SGCD: variants seen among roughly 807,000 people sequenced by gnomAD.
The protein encoded by SGCD is delta-sarcoglycan.
A neutral mutation model predicts 36.6 loss-of-function variants in SGCD; 18 were observed. The ratio of observed to expected loss-of-function variants is 0.49; its 90% confidence interval spans 0.34 to 0.73. The LOEUF is 0.73. SGCD is among the 30% of genes least tolerant of loss of function. The pLI is 0.01. For missense variants in SGCD, 387 were observed against 346.7 expected (o/e 1.12, Z -0.92); for synonymous variants, 133 against 130.6 (o/e 1.02, Z -0.12).
At chr5:156,725,583 T>C (rs1755733586) in intron 7 of SGCD, among the ~76,000 whole-genome samples, 1 of 152,072 alleles carries the variant, frequency 6.6e-6, no homozygotes, top group South Asian at 2.1e-4. Context: ...GAGGGAAAGG[T>C]CCTTGCTTTT....
At chr5:155,964,196 G>T (rs572875221) in intron 1 of SGCD, among the ~76,000 whole-genome samples, 1 of 152,234 alleles carries the variant, frequency 6.6e-6, no homozygotes, top group East Asian at 1.9e-4. Flanking sequence ...CATGAAGGTA[G>T]GAAGAGAAAG....
intron 3 of SGCD, among the ~76,000 whole-genome samples, chr5:156,257,914 G>A (rs538033385): frequency 7.2e-5 from 11 of 152,162 alleles, no homozygotes; most frequent in African/African-American, 2.4e-4. Flanking sequence ...TCAGTCATAC[G>A]TTTTTAATTT....
chr5:156,271,825 G>A (rs1766189527), intron 3 of SGCD, among the ~76,000 whole-genome samples: 2 of 152,148 alleles, frequency 1.3e-5, no homozygotes, highest in Admixed American at 1.3e-4. Flanking sequence ...AAACTTTGCA[G>A]CAGGTGCAGT....
intron 3 of SGCD, among the ~76,000 whole-genome samples, chr5:156,372,805 C>G (rs1378129361): frequency 6.6e-6 from 1 of 152,088 alleles, no homozygotes; most frequent in Non-Finnish European, 1.5e-5. Context: ...TTGCTGCTAC[C>G]CATTGGGTGC....
the SGCD span, among the ~76,000 whole-genome samples, chr5:155,763,949 CT>C: frequency 0.27 from 41,711 of 151,786 alleles, 7,275 homozygotes; most frequent in East Asian, 0.42. Flanking sequence ...AAGAATTCTT[CT>C]AGTAGAATTA....
chr5:156,237,151 A>G (rs375219095), intron 3 of SGCD, among the ~76,000 whole-genome samples: 1 of 152,100 alleles, frequency 6.6e-6, no homozygotes, highest in Non-Finnish European at 1.5e-5. Flanking sequence ...AGAATTTTAA[A>G]CAACAACAAC....
intron 1 of SGCD, among the ~76,000 whole-genome samples, chr5:156,105,556 C>T (rs1761624765): frequency 6.6e-6 from 1 of 152,140 alleles, no homozygotes; most frequent in African/African-American, 2.4e-5. Context: ...TGTAGGTTTT[C>T]CTCACCAAAT....
chr5:156,386,723 A>G lies in SGCD; in HGVS notation c.192+42046A>G, dbSNP rs569922913. On this transcript the variant is annotated intron_variant, in intron 3 of 8. Coordinates refer to ENST00000337851, the MANE Select transcript of SGCD (RefSeq NM_000337.6). Reference sequence around the variant, plus strand: ...CCCTTGGGGCTCCCTCACTCTTTAGAGCTTCGGAGCACTCCAAGTGTTGGA... The same window carrying G: ...CCCTTGGGGCTCCCTCACTCTTTAGGGCTTCGGAGCACTCCAAGTGTTGGA... Among the ~76,000 whole-genome samples, 22 of 152,332 alleles carry G rather than the reference A, an allele frequency of 1.4e-4. 1 individual carries two copies. The South Asian group carries it at 4.6e-3, about 32-fold the overall frequency.
intron 3 of SGCD, among the ~76,000 whole-genome samples, chr5:156,499,893 A>T (rs1038018298): frequency 6.6e-6 from 1 of 152,238 alleles, no homozygotes; most frequent in African/African-American, 2.4e-5. Flanking sequence ...AAGCTAGAGC[A>T]GTCTCAAACT....
At chr5:156,020,258 C>A (rs927495715) in intron 1 of SGCD, among the ~76,000 whole-genome samples, 7 of 152,196 alleles carry the variant, frequency 4.6e-5, no homozygotes, top group African/African-American at 1.7e-4. Flanking sequence ...ATCTCCTCTT[C>A]ATTTTTGTAT....
intron 1 of SGCD, among the ~76,000 whole-genome samples, chr5:156,009,420 T>A (rs1483465319): frequency 6.6e-6 from 1 of 152,068 alleles, no homozygotes; most frequent in Non-Finnish European, 1.5e-5. Context: ...AGTGGCTCAG[T>A]GGGTTTTCTT....
chr5:156,254,925 C>T (rs1163640649), intron 3 of SGCD, among the ~76,000 whole-genome samples: 2 of 152,128 alleles, frequency 1.3e-5, no homozygotes, highest in Admixed American at 1.3e-4. Flanking sequence ...CATCCCCAGT[C>T]TGAAAATTTG....
chr5:156,481,335 G>T (rs1414283555), intron 3 of SGCD, among the ~76,000 whole-genome samples: 1 of 152,170 alleles, frequency 6.6e-6, no homozygotes, highest in Non-Finnish European at 1.5e-5. Flanking sequence ...CTGTGTCATT[G>T]ATATTTTGGA....
rs575377931 is a variant in SGCD at position 156,544,231 on chromosome 5, C to T, written c.294+35529C>T. Among the ~76,000 whole-genome samples the T allele has an allele frequency of 9.2e-5, 14 of 152,216 alleles. No individual in the cohort carries two copies. In the East Asian group the frequency reaches 1.7e-3, roughly 19 times the overall value. On this transcript the variant is annotated intron_variant, in intron 4 of 8. Coordinates refer to ENST00000337851, the MANE Select transcript of SGCD (RefSeq NM_000337.6). The stretch of plus-strand genomic sequence containing the variant: ...AGTTGGGAAAATTTTGAATAGCATA[C>T]GATAAAGAGCTAGCTAAATAGCTTG...
chr5:156,304,053 C>T (rs879561409), intron 3 of SGCD, among the ~76,000 whole-genome samples: 3 of 152,064 alleles, frequency 2.0e-5, no homozygotes, highest in Non-Finnish European at 4.4e-5. Context: ...AATTGCAGTC[C>T]TTGTGGCCTA....
chr5:156,232,608 A>G (rs575511478), intron 3 of SGCD, among the ~76,000 whole-genome samples: 1 of 152,196 alleles, frequency 6.6e-6, no homozygotes, highest in East Asian at 1.9e-4. Flanking sequence ...TGTATACACC[A>G]TGCATCATTA....
intron 2 of SGCD, among the ~76,000 whole-genome samples, chr5:156,122,598 G>A (rs909445776): frequency 2.0e-5 from 3 of 151,842 alleles, no homozygotes; most frequent in Admixed American, 6.6e-5. Context: ...GAATAAATGA[G>A]GGGGAAAAGA....
At chr5:156,120,368 G>T (rs139725689) in intron 2 of SGCD, among the ~76,000 whole-genome samples, 1 of 152,042 alleles carries the variant, frequency 6.6e-6, no homozygotes, top group Non-Finnish European at 1.5e-5. Flanking sequence ...GTCAGCACAC[G>T]CTATATCACT....
intron 1 of SGCD, among the ~76,000 whole-genome samples, chr5:155,963,938 G>GTTCATAT (rs1469819969): frequency 6.6e-6 from 1 of 152,004 alleles, no homozygotes; most frequent in South Asian, 2.1e-4. Context: ...TTGAGTTTTT[G>GTTCATAT]TTCATATTTC....
Sources: allele counts gnomAD v4.1 joint callset (sites outside exome capture counted in the v4.1 genomes callset), GRCh38; gene constraint gnomAD v4.1.1; transcripts MANE v1.5; gene names NCBI Gene and HGNC (gene_info 2026-07-23, HGNC 2026-07-21).